SYT9: variants seen among roughly 807,000 people sequenced by gnomAD.
The protein encoded by SYT9 is synaptotagmin-9.
In SYT9, 22 loss-of-function variants were observed where a neutral mutation model predicts 48.4. The observed-to-expected ratio is 0.45, with a 90% CI of 0.32 to 0.65. The LOEUF is 0.65. SYT9 is among the 30% of genes least tolerant of loss of function. The pLI, the probability that SYT9 is intolerant of heterozygous loss-of-function variation, is 0.03. For missense variants in SYT9, 577 were observed against 622.0 expected, an observed-to-expected ratio of 0.93 and a Z score of 0.77; for synonymous variants, 265 against 245.0, an observed-to-expected ratio of 1.08 and a Z score of -0.76.
chr11:7,348,219 C>G (rs570370128), intron 3 of SYT9, among the ~76,000 whole-genome samples: 13 of 152,126 alleles, frequency 8.5e-5, no homozygotes, highest in Non-Finnish European at 1.5e-4. Flanking sequence ...AGGAAGCCAC[C>G]TGAAAATCTT....
rs140029618 is a variant in SYT9 at position 7,275,877 on chromosome 11, C to A, written c.145+23546C>A. Among the ~76,000 whole-genome samples the A allele has an allele frequency of 4.2e-3, 637 of 152,304 alleles. 6 individuals are homozygous for A. Among genetic ancestry groups the A allele is most frequent in the African/African-American group, 0.015 (611 of 41,568 alleles). On this transcript the variant is annotated intron_variant, in intron 1 of 6. Coordinates refer to ENST00000318881, the MANE Select transcript of SYT9 (RefSeq NM_175733.4). ...CAGTCAGCACCTTCCCCAAAAGTCC[C>A]CATATGTGCCTTTTCCTTCCCTGGC...
chr11:7,424,150 C>A (rs964450661), intron 6 of SYT9, among the ~76,000 whole-genome samples: 1 of 152,168 alleles, frequency 6.6e-6, no homozygotes, highest in African/African-American at 2.4e-5. Flanking sequence ...TCCAATACAC[C>A]CTGACCTTGC....
At chr11:7,445,189 C>T (rs924675279) in intron 6 of SYT9, among the ~76,000 whole-genome samples, 1 of 152,216 alleles carries the variant, frequency 6.6e-6, no homozygotes, top group Non-Finnish European at 1.5e-5. Flanking sequence ...ATGTTTAACA[C>T]AGCATCTGGA....
At chr11:7,340,700 G>T (rs571575406) in intron 3 of SYT9, among the ~76,000 whole-genome samples, 1 of 152,330 alleles carries the variant, frequency 6.6e-6, no homozygotes, top group Admixed American at 6.5e-5. Flanking sequence ...ACTCTCTAGA[G>T]CCTGGAGACA....
chr11:7,296,905 A>G (rs1024238028), intron 1 of SYT9, among the ~76,000 whole-genome samples: 2 of 152,036 alleles, frequency 1.3e-5, no homozygotes, highest in Non-Finnish European at 2.9e-5. Context: ...CTCTAATTAC[A>G]TTACCACCTT....
chr11:7,350,959 G>A (rs1849903090), intron 3 of SYT9, among the ~76,000 whole-genome samples: 1 of 152,184 alleles, frequency 6.6e-6, no homozygotes, highest in African/African-American at 2.4e-5. Flanking sequence ...CACTTATGGA[G>A]TGAGATTAGG....
chr11:7,444,105 T>C (rs1038275258), intron 6 of SYT9: 2 of 152,218 alleles, frequency 1.3e-5, no homozygotes, highest in Admixed American at 6.5e-5. Context: ...TGAGATTTAA[T>C]AGTGCCTCTT....
intron 3 of SYT9, among the ~76,000 whole-genome samples, chr11:7,410,592 A>G (rs1177431454): frequency 6.6e-6 from 1 of 152,208 alleles, no homozygotes; most frequent in Non-Finnish European, 1.5e-5. Flanking sequence ...TTATCATTAT[A>G]TAATGACCAT....
intron 6 of SYT9, chr11:7,461,178 T>C (rs765089972): frequency 6.6e-6 from 1 of 152,106 alleles, no homozygotes; most frequent in African/African-American, 2.4e-5. Context: ...ATTTTTGTTA[T>C]AACTTTTATC....
At chr11:7,448,220 G>T (rs1241810709) in intron 6 of SYT9, among the ~76,000 whole-genome samples, 1 of 152,212 alleles carries the variant, frequency 6.6e-6, no homozygotes, top group Non-Finnish European at 1.5e-5. Context: ...AAACTGAGGA[G>T]AAATGGGGAG....
At chr11:7,279,463 T>C (rs1020817657) in intron 1 of SYT9, among the ~76,000 whole-genome samples, 5 of 152,126 alleles carry the variant, frequency 3.3e-5, no homozygotes, top group Admixed American at 2.0e-4. Context: ...TGGAGCCACA[T>C]AGAATCTGCT....
chr11:7,395,491 C>T (rs555210925), intron 3 of SYT9, among the ~76,000 whole-genome samples: 25 of 151,860 alleles, frequency 1.6e-4, no homozygotes, highest in African/African-American at 6.0e-4. Context: ...TAAGTCTTTT[C>T]CTGGGTCTAT....
intron 6 of SYT9, among the ~76,000 whole-genome samples, chr11:7,458,160 A>T (rs1048771041): frequency 6.6e-5 from 10 of 152,214 alleles, no homozygotes; most frequent in African/African-American, 2.4e-4. Context: ...CAGATGTATT[A>T]TGTTATAGTG....
chr11:7,370,788 A>G (rs1416543281), intron 3 of SYT9, among the ~76,000 whole-genome samples: 2 of 152,206 alleles, frequency 1.3e-5, no homozygotes, highest in Non-Finnish European at 2.9e-5. Context: ...CCTCAAACAG[A>G]CATTATCTTA....
At chr11:7,396,956 C>A (rs754083974) in intron 3 of SYT9, among the ~76,000 whole-genome samples, 1 of 152,070 alleles carries the variant, frequency 6.6e-6, no homozygotes, top group Non-Finnish European at 1.5e-5. Context: ...CCTGCCCTTC[C>A]CCTTTTCCAC....
intron 3 of SYT9, among the ~76,000 whole-genome samples, chr11:7,355,476 A>G (rs779246065): frequency 5.3e-5 from 8 of 152,190 alleles, no homozygotes; most frequent in Non-Finnish European, 8.8e-5. Flanking sequence ...TCTGGCCTCA[A>G]CTCAAATCTC....
At chr11:7,385,620 CA>C (rs775853228) in intron 3 of SYT9, among the ~76,000 whole-genome samples, 2 of 152,042 alleles carry the variant, frequency 1.3e-5, no homozygotes, top group Non-Finnish European at 2.9e-5. Flanking sequence ...ACCTATATAA[CA>C]AACCTGCACA....
chr11:7,255,526 G>T (rs1810484362), intron 1 of SYT9, among the ~76,000 whole-genome samples: 1 of 152,220 alleles, frequency 6.6e-6, no homozygotes, highest in Admixed American at 6.5e-5. Flanking sequence ...CAGAAATCCA[G>T]ACAGAGGTGA....
chr11:7,287,458 C>A (rs1237783995), intron 1 of SYT9, among the ~76,000 whole-genome samples: 2 of 152,182 alleles, frequency 1.3e-5, no homozygotes, highest in Non-Finnish European at 2.9e-5. Flanking sequence ...TTTATAAGTC[C>A]TTGAGTGAAA....
Sources: gnomAD v4.1 joint callset for allele counts (sites outside exome capture counted in the v4.1 genomes callset) on GRCh38, gnomAD v4.1.1 for gene constraint, MANE v1.5 for transcripts, NCBI Gene and HGNC (gene_info 2026-07-23, HGNC 2026-07-21) for gene names.